The following MARK1 variants were observed in gnomAD, a reference collection of about 807,000 sequenced individuals.
MARK1 encodes serine/threonine-protein kinase MARK1.
MARK1 carries 40 observed loss-of-function variants against 96.3 expected under a neutral mutation model. The ratio of observed to expected loss-of-function variants is 0.42; its 90% CI spans 0.32 to 0.54. The LOEUF (loss-of-function observed/expected upper bound fraction) is 0.54, where lower values mean the gene tolerates loss of function less well. Ranked by LOEUF, MARK1 falls within the 20% of genes least tolerant of loss-of-function variation. The probability of loss-of-function intolerance (pLI) is 0.16; values close to 1 mark genes in which losing one functional copy is unlikely to be tolerated. For missense variants in MARK1, 719 were observed against 984.6 expected, an observed-to-expected ratio of 0.73 and a Z score of 3.61; for synonymous variants, 317 against 341.2, an observed-to-expected ratio of 0.93 and a Z score of 0.78.
At chr1:220,630,953 A>ATT (rs1400134912) in intron 9 of MARK1, 82 bp from the exon 10 acceptor site, 2 of 970,180 alleles carry the variant, frequency 2.1e-6, no homozygotes, top group African/African-American at 3.3e-5. Flanking sequence ...TGAACTAGTA[A>ATT]TTTTACATTT....
chr1:220,605,436 T>C (rs1045354631), intron 6 of MARK1, among the ~76,000 whole-genome samples: 3 of 152,132 alleles, frequency 2.0e-5, no homozygotes, highest in Non-Finnish European at 4.4e-5. Flanking sequence ...AAGTTCAAGC[T>C]TACCCTTAAA....
intron 9 of MARK1, chr1:220,627,189 G>A (rs764700032): frequency 8.4e-6 from 4 of 475,056 alleles, no homozygotes; most frequent in African/African-American, 4.0e-5. Context: ...GTGGCGATGA[G>A]AGCGAAGAAG....
rs562654833 is a variant in MARK1 at position 220,664,041 on chromosome 1, A to T, written c.*1875A>T. 59 of 152,704 alleles carry T rather than the reference A, an allele frequency of 3.9e-4. No individual in the cohort carries two copies. Among genetic ancestry groups the T allele is most frequent in the Non-Finnish European group, 6.9e-4 (47 of 68,022 alleles). 9.5% of individuals were successfully genotyped at this position (152,704 alleles called of 1,614,324 possible). A position where few individuals can be genotyped will look rare whatever the true frequency, so the allele number is the denominator to read the frequency against. Reference sequence around the variant, plus strand: ...GGGTGAAGCTGTGAAGGTTTTCAAGATTATTGAAACTATGAAGGTTTCTTG... The same window carrying T: ...GGGTGAAGCTGTGAAGGTTTTCAAGTTTATTGAAACTATGAAGGTTTCTTG... On this transcript the variant is annotated 3_prime_UTR_variant, in exon 18 of 18. Coordinates refer to ENST00000366917, the MANE Select transcript of MARK1 (RefSeq NM_018650.5).
intron 1 of MARK1, among the ~76,000 whole-genome samples, chr1:220,557,439 G>T (rs1246459715): frequency 6.6e-6 from 1 of 151,930 alleles, no homozygotes; most frequent in African/African-American, 2.4e-5. Flanking sequence ...TGTGCCTGTA[G>T]TCCTAGCTAC....
intron 5 of MARK1, among the ~76,000 whole-genome samples, chr1:220,602,884 C>T (rs2102918154): frequency 6.6e-6 from 1 of 152,072 alleles, no homozygotes; most frequent in Admixed American, 6.5e-5. Flanking sequence ...TACAAAAATG[C>T]AATTTATTGA....
At chr1:220,610,392 A>C (rs1314338859) in intron 6 of MARK1, among the ~76,000 whole-genome samples, 1 of 152,158 alleles carries the variant, frequency 6.6e-6, no homozygotes, top group Non-Finnish European at 1.5e-5. Context: ...CATGGTTTTC[A>C]GCTCCATCAG....
At chr1:220,529,954 C>A (rs1406639504) in intron 1 of MARK1, among the ~76,000 whole-genome samples, 3 of 152,076 alleles carry the variant, frequency 2.0e-5, no homozygotes, top group African/African-American at 2.4e-5. Context: ...TCTCATCAGC[C>A]GTCCAGCTTT....
intron 6 of MARK1, among the ~76,000 whole-genome samples, chr1:220,612,408 A>T (rs1484768916): frequency 6.6e-6 from 1 of 152,198 alleles, no homozygotes; most frequent in East Asian, 1.9e-4. Flanking sequence ...AATCATCTTC[A>T]TATTCTTTAC....
intron 6 of MARK1, among the ~76,000 whole-genome samples, chr1:220,615,119 T>C (rs1430797415): frequency 6.6e-6 from 1 of 152,172 alleles, no homozygotes; most frequent in Non-Finnish European, 1.5e-5. Flanking sequence ...AATTGATTGC[T>C]ATCAGATGCT....
intron 15 of MARK1, 26 bp downstream of exon 15, chr1:220,652,176 T>A: frequency 6.4e-7 from 1 of 1,571,024 alleles, no homozygotes; most frequent in Non-Finnish European, 8.7e-7. Context: ...CATCTCATTT[T>A]GTTCATTAAG....
intron 1 of MARK1, 87 bp from the exon 2 acceptor site, chr1:220,579,267 T>C: frequency 2.3e-6 from 2 of 879,606 alleles, no homozygotes; most frequent in South Asian, 3.2e-5. Flanking sequence ...ATTGAAGAAT[T>C]GGTAATAATA....
Position 220,528,790 on chromosome 1 carries a change from G to GAGACCCCGGCC in MARK1, c.-24_-14dup. On this transcript the variant is annotated 5_prime_UTR_variant, in exon 1 of 18. Transcript: ENST00000366917. ...GGGCCCGCACCACAGCCCGGCCGGC[G>GAGACCCCGGCC]AGACCCCGGCCAGACCCCGCTGCCC... is the stretch of plus-strand genomic sequence containing the variant. The GAGACCCCGGCC allele has an allele frequency of 6.5e-7, 1 of 1,544,224 alleles. No homozygotes were observed. The highest frequency in any genetic ancestry group is 1.2e-5 in the South Asian group (1 of 83,592).
Position 220,615,917 on chromosome 1 carries a change from T to C in MARK1, c.496-22T>C, listed in dbSNP as rs758346568. On this transcript the variant is annotated intron_variant, in intron 6 of 17. Transcript: ENST00000366917. ...TGCGTTTTTTTAATAATTTGACTCT[T>C]TTATCCAAATGTTTATTCCAGATTG... 25 of 1,387,340 alleles carry C rather than the reference T, an allele frequency of 1.8e-5. No homozygotes were observed. The Admixed American group carries it at 5.0e-4, about 28-fold the overall frequency. The allele number at this position is 1,387,340 out of a possible 1,614,324, so 85.9% of individuals were successfully genotyped here.
intron 13 of MARK1, among the ~76,000 whole-genome samples, chr1:220,647,345 T>G (rs533979121): frequency 6.6e-6 from 1 of 152,122 alleles, no homozygotes; most frequent in South Asian, 2.1e-4. Context: ...AAAACCATAA[T>G]GAGATACCAT....
chr1:220,581,139 G>A (rs1275171000), intron 3 of MARK1, 21 bp downstream of exon 3: 2 of 918,644 alleles, frequency 2.2e-6, no homozygotes, highest in Non-Finnish European at 3.0e-6. Flanking sequence ...AATTTAATAA[G>A]TAATTAAAAT....
intron 4 of MARK1, among the ~76,000 whole-genome samples, 188 bp from the exon 5 acceptor site, chr1:220,599,610 C>T (rs1365707148): frequency 6.6e-6 from 1 of 152,054 alleles, no homozygotes; most frequent in East Asian, 1.9e-4. Context: ...TTCTAAATCA[C>T]TTTGTGGTAA....
intron 11 of MARK1, among the ~76,000 whole-genome samples, chr1:220,633,693 A>G (rs1247994340): frequency 3.3e-5 from 5 of 152,212 alleles, no homozygotes; most frequent in Non-Finnish European, 5.9e-5. Flanking sequence ...GTGACATGTA[A>G]GAAGTAGAAT....
At chr1:220,630,100 C>T (rs972869380) in intron 9 of MARK1, among the ~76,000 whole-genome samples, 6 of 152,162 alleles carry the variant, frequency 3.9e-5, no homozygotes, top group South Asian at 4.1e-4. Flanking sequence ...TCCACATGCT[C>T]ACCAACACTT....
chr1:220,653,877 T>G (rs1385969212), intron 16 of MARK1, among the ~76,000 whole-genome samples: 3 of 152,178 alleles, frequency 2.0e-5, no homozygotes, highest in Non-Finnish European at 2.9e-5. Context: ...CTAATCTACT[T>G]AAACAATACA....
Sources: gnomAD v4.1 joint callset for allele counts (sites outside exome capture counted in the v4.1 genomes callset) on GRCh38, gnomAD v4.1.1 for gene constraint, MANE v1.5 for transcripts, NCBI Gene and HGNC (gene_info 2026-07-23, HGNC 2026-07-21) for gene names.